Variants in AP3S2 observed in about 807,000 individuals in gnomAD.
The protein encoded by AP3S2 is adaptor related protein complex 3 subunit sigma 2, also known as AP-3 complex subunit sigma-2.
A neutral mutation model predicts 23.4 loss-of-function variants in AP3S2; 22 were observed. The observed-to-expected ratio is 0.94, with a 90% CI of 0.67 to 1.34. The LOEUF (loss-of-function observed/expected upper bound fraction) is 1.34. AP3S2 is among the 40% of genes most tolerant of loss of function. The pLI is 0.00. For missense variants in AP3S2, 241 were observed against 236.9 expected, an observed-to-expected ratio of 1.02 and a Z score of -0.11; for synonymous variants, 86 against 87.1, an observed-to-expected ratio of 0.99 and a Z score of 0.07.
intron 4 of AP3S2, chr15:89,849,014 G>C (rs893409158): frequency 3.3e-5 from 5 of 152,076 alleles, no homozygotes; most frequent in Admixed American, 3.3e-4. Context: ...ACAAGCAAAG[G>C]ACTGACTATC....
intron 4 of AP3S2, among the ~76,000 whole-genome samples, chr15:89,858,489 AAGAAAGAGAGAG>A (rs1290505666): frequency 6.0e-4 from 25 of 41,780 alleles, no homozygotes; most frequent in African/African-American, 1.3e-3. Context: ...GAAAGAAAGA[AAGAAAGAGAGAG>A]AGAGAGAGAG....
Position 89,883,883 on chromosome 15 carries a change from T to G in AP3S2, c.273+4638A>C, listed in dbSNP as rs150435712. Reference sequence around the variant, plus strand: ...TCCAAAAACCTGAAATCCAAAACACTGCAAAATCCAAAATTTTTGAGTGCC... The same window carrying G: ...TCCAAAAACCTGAAATCCAAAACACGGCAAAATCCAAAATTTTTGAGTGCC... On this transcript the variant is annotated intron_variant, in intron 3 of 5. Transcript: ENST00000336418. 3.3e-5 allele frequency: 5 copies of G among 152,302 alleles called. No homozygotes were observed. In the East Asian group the frequency reaches 9.6e-4, roughly 29 times the overall value. 9.4% of individuals were successfully genotyped at this position (152,302 alleles called of 1,614,324 possible).
chr15:89,891,622 G>A (rs907410531), intron 1 of AP3S2, among the ~76,000 whole-genome samples: 8 of 151,568 alleles, frequency 5.3e-5, no homozygotes, highest in African/African-American at 1.9e-4. Flanking sequence ...TCACGCCACT[G>A]CAGCCTGGGA....
At chr15:89,863,903 A>C (rs566861818) in intron 4 of AP3S2, among the ~76,000 whole-genome samples, 9 of 152,192 alleles carry the variant, frequency 5.9e-5, no homozygotes, top group Non-Finnish European at 1.2e-4. Context: ...TCAACAGAAG[A>C]AGCTATACTT....
chr15:89,853,806 G>A (rs1231372764), intron 4 of AP3S2, among the ~76,000 whole-genome samples: 1 of 99,040 alleles, frequency 1.0e-5, no homozygotes, highest in African/African-American at 4.0e-5. Flanking sequence ...CCGAGACCCC[G>A]TCTGGGAGGT....
At chr15:89,850,926 G>A (rs1311346159) in intron 4 of AP3S2, among the ~76,000 whole-genome samples, 2 of 152,046 alleles carry the variant, frequency 1.3e-5, no homozygotes, top group African/African-American at 4.8e-5. Context: ...TGTTACCCAG[G>A]CTGATCTCAA....
intron 4 of AP3S2, among the ~76,000 whole-genome samples, chr15:89,853,493 C>T (rs1409799336): frequency 6.6e-6 from 1 of 152,076 alleles, no homozygotes; most frequent in Non-Finnish European, 1.5e-5. Context: ...TAAATGGTAC[C>T]CAAAAAGTGA....
chr15:89,837,767 TCA>T (rs1331619398), intron 4 of AP3S2, 45 bp from the exon 5 acceptor site: 4 of 1,608,092 alleles, frequency 2.5e-6, no homozygotes, highest in Admixed American at 1.7e-5. Context: ...TCTGTGGTGG[TCA>T]GAGTGTAACC....
At chr15:89,841,048 C>G (rs1895318925) in intron 4 of AP3S2, among the ~76,000 whole-genome samples, 1 of 152,188 alleles carries the variant, frequency 6.6e-6, no homozygotes, top group Non-Finnish European at 1.5e-5. Context: ...TTCCATATAT[C>G]TAAGTAGCAT....
chr15:89,893,989 G>A lies in AP3S2; in HGVS notation c.-40C>T, dbSNP rs866447687. 1.9e-6 allele frequency: 3 copies of A among 1,543,848 alleles called. No individual in the cohort carries two copies. The highest frequency in any genetic ancestry group is 1.2e-5 in the South Asian group (1 of 83,904). On this transcript the variant is annotated 5_prime_UTR_variant, in exon 1 of 6. Transcript: ENST00000336418. ...GTTCTCTCAGCACCGGCTACTCCCA[G>A]AAAGCTCCTCCTTCCGCCACAACAC...
At chr15:89,850,717 CT>C (rs11435035) in intron 4 of AP3S2, 38 of 147,064 alleles carry the variant, frequency 2.6e-4, no homozygotes, top group Middle Eastern at 2.5e-3. Context: ...TGATTTTTTT[CT>C]TTTTTTTTTT....
At chr15:89,866,044 C>T (rs1896109606) in intron 4 of AP3S2, among the ~76,000 whole-genome samples, 1 of 151,968 alleles carries the variant, frequency 6.6e-6, no homozygotes. Flanking sequence ...GGTGGATCAC[C>T]TGAGGTCAGG....
chr15:89,868,452 G>A (rs1387478397), intron 4 of AP3S2, among the ~76,000 whole-genome samples: 2 of 79,774 alleles, frequency 2.5e-5, no homozygotes, highest in African/African-American at 4.9e-5. Flanking sequence ...GCCTCTGCCC[G>A]GCCACCCCTA....
At chr15:89,864,202 G>A (rs1413549827) in intron 4 of AP3S2, among the ~76,000 whole-genome samples, 1 of 152,106 alleles carries the variant, frequency 6.6e-6, no homozygotes, top group South Asian at 2.1e-4. Context: ...ACATTTTTAT[G>A]GCCTTTTATT....
At chr15:89,869,626 C>G (rs562502724) in intron 4 of AP3S2, among the ~76,000 whole-genome samples, 2 of 151,802 alleles carry the variant, frequency 1.3e-5, no homozygotes, top group South Asian at 4.2e-4. Flanking sequence ...TCCTTGAATC[C>G]CTGAATCTAC....
At position 89,835,380 on chromosome 15, in the gene AP3S2, C is replaced by G; in HGVS notation, c.*135G>C. The G allele has an allele frequency of 6.9e-7, 1 of 1,459,074 alleles. No homozygotes were observed. The highest frequency in any genetic ancestry group is 9.2e-7 in the Non-Finnish European group (1 of 1,083,742). 90.4% of individuals were successfully genotyped at this position (1,459,074 alleles called of 1,614,324 possible). A position where few individuals can be genotyped will look rare whatever the true frequency, so the allele number is the denominator to read the frequency against. On this transcript the variant is annotated 3_prime_UTR_variant, in exon 6 of 6. Coordinates refer to ENST00000336418, the MANE Select transcript of AP3S2 (RefSeq NM_005829.5). The stretch of plus-strand genomic sequence containing the variant: ...CCTTCCCTATTCCATGCCAAACAGT[C>G]TTCCCCAGACACAAAGTTTCCAGGT...
At chr15:89,875,660 G>A (rs1349273214) in intron 3 of AP3S2, among the ~76,000 whole-genome samples, 1 of 152,200 alleles carries the variant, frequency 6.6e-6, no homozygotes, top group African/African-American at 2.4e-5. Flanking sequence ...AAATTCATCT[G>A]AAAATGGGCT....
In AP3S2 at chr15:89,888,577, AG is replaced by A; in HGVS notation, c.216del (p.Phe73LeufsTer37). The A allele has an allele frequency of 6.2e-7, 1 of 1,614,222 alleles. No homozygotes were observed. The highest frequency in any genetic ancestry group is 8.5e-7 in the Non-Finnish European group (1 of 1,180,038). On this transcript the variant is annotated frameshift_variant, in exon 3 of 6. Transcript: ENST00000336418. LOFTEE classifies it high-confidence loss of function. Reference protein sequence around the residue: ...KLIYRHYATLYFVFCVDSSES... With the variant: ...KLIYRHYATLXFVFCVDSSES... ...TCTGAGGAATCCACACAAAATACAA[AG>A]TAGAGGGTAGCATAGTGCCGGTAGA...
chr15:89,860,600 G>A (rs1895990142), intron 4 of AP3S2, among the ~76,000 whole-genome samples: 4 of 152,132 alleles, frequency 2.6e-5, no homozygotes, highest in Admixed American at 2.6e-4. Flanking sequence ...ATGGTTGACT[G>A]TGCATAACTG....
Sources: allele counts gnomAD v4.1 joint callset (sites outside exome capture counted in the v4.1 genomes callset), GRCh38; gene constraint gnomAD v4.1.1; transcripts MANE v1.5; gene names NCBI Gene and HGNC (gene_info 2026-07-23, HGNC 2026-07-21).